The following TMEM117 variants were observed in gnomAD, a reference collection of about 807,000 sequenced individuals.
The protein encoded by TMEM117 is transmembrane protein 117.
TMEM117 carries 27 observed loss-of-function variants against 52.4 expected under a neutral mutation model. The observed-to-expected ratio is 0.51, with a 90% CI of 0.38 to 0.71. The LOEUF (loss-of-function observed/expected upper bound fraction) is 0.71, where lower values mean the gene tolerates loss of function less well. Ranked by LOEUF, TMEM117 falls within the 30% of genes least tolerant of loss-of-function variation. The probability of loss-of-function intolerance (pLI) is 0.00; values close to 1 mark genes in which losing one functional copy is unlikely to be tolerated. For missense variants in TMEM117, 556 were observed against 630.5 expected, an observed-to-expected ratio of 0.88 and a Z score of 1.26; for synonymous variants, 215 against 206.3, an observed-to-expected ratio of 1.04 and a Z score of -0.36.
At chr12:44,242,679 C>CTA (rs1429891342) in intron 5 of TMEM117, among the ~76,000 whole-genome samples, 73 of 133,828 alleles carry the variant, frequency 5.5e-4, no homozygotes, top group African/African-American at 1.8e-3. Context: ...GTATAGATAT[C>CTA]CATACATATT....
chr12:43,945,466 G>A (rs549699788), intron 3 of TMEM117, among the ~76,000 whole-genome samples: 7 of 151,986 alleles, frequency 4.6e-5, no homozygotes, highest in Admixed American at 1.3e-4. Context: ...GATTATAGGC[G>A]CCTGCCACCA....
rs184339175 is a variant in TMEM117 at position 44,376,142 on chromosome 12, A to G, written c.769-453A>G. ...AAAGTCACTTGATACAAATCAAAGA[A>G]CTTGGTTAAGTGAATCAGATCCTCT... is the stretch of plus-strand genomic sequence containing the variant. On this transcript the variant is annotated intron_variant, in intron 6 of 7. Transcript: ENST00000266534. 2.0e-5 allele frequency among the ~76,000 whole-genome samples: 3 copies of G among 152,334 alleles called. No homozygotes were observed. In the East Asian group the frequency reaches 5.8e-4, roughly 29 times the overall value.
At chr12:44,106,956 C>T (rs1947966185) in intron 3 of TMEM117, among the ~76,000 whole-genome samples, 1 of 151,738 alleles carries the variant, frequency 6.6e-6, no homozygotes, top group African/African-American at 2.4e-5. Flanking sequence ...TGCTATTATA[C>T]TACTAACATT....
chr12:44,263,816 T>C (rs899266205), intron 5 of TMEM117: 2 of 152,352 alleles, frequency 1.3e-5, no homozygotes, highest in African/African-American at 4.8e-5. Context: ...CAGACCACTG[T>C]GCATGGAAAA....
Position 44,004,408 on chromosome 12 carries a change from A to T in TMEM117, c.410+60066A>T, listed in dbSNP as rs1247568184. ...CTACATGAATAAATTCTTTGGAATG[A>T]TGGTATGCTAGCATCTATCCGGGAT... On this transcript the variant is annotated intron_variant, in intron 3 of 7. Coordinates refer to ENST00000266534, the MANE Select transcript of TMEM117 (RefSeq NM_032256.3). Among the ~76,000 whole-genome samples the T allele has an allele frequency of 3.3e-5, 5 of 152,178 alleles. No individual in the cohort carries two copies. In the East Asian group the frequency reaches 7.7e-4, roughly 23 times the overall value.
intron 4 of TMEM117, among the ~76,000 whole-genome samples, chr12:44,156,766 T>TA (rs916203198): frequency 1.4e-4 from 21 of 151,986 alleles, no homozygotes; most frequent in Admixed American, 1.3e-3. Context: ...GGCATGAGGG[T>TA]AAGATGGATA....
At chr12:43,943,015 A>G (rs546404545) in intron 2 of TMEM117, among the ~76,000 whole-genome samples, 1 of 151,962 alleles carries the variant, frequency 6.6e-6, no homozygotes. Context: ...CGCCTCTACT[A>G]AAAATACAAA....
chr12:43,820,711 G>A, the TMEM117 span, among the ~76,000 whole-genome samples: 284 of 152,154 alleles, frequency 1.9e-3, 3 homozygotes, highest in African/African-American at 6.5e-3. Flanking sequence ...AAAGACAGCA[G>A]GAAGGGCACT....
rs552491645 is a variant in TMEM117, at chr12:44,054,180, G to A, written c.411-89345G>A. ...GTATCAAAGTCATAAGAGCAATGGCGTATATTGAGAAGGATATTTTCCTAT... is the reference window on the plus strand; with the variant it reads ...GTATCAAAGTCATAAGAGCAATGGCATATATTGAGAAGGATATTTTCCTAT... On this transcript the variant is annotated intron_variant, in intron 3 of 7. Transcript: ENST00000266534. Among the ~76,000 whole-genome samples, 10 of 152,254 alleles carry A rather than the reference G, an allele frequency of 6.6e-5. No homozygotes were observed. In the South Asian group the frequency reaches 1.9e-3, roughly 28 times the overall value.
intron 3 of TMEM117, among the ~76,000 whole-genome samples, chr12:44,026,322 T>C (rs1406463572): frequency 1.3e-5 from 2 of 152,202 alleles, no homozygotes; most frequent in African/African-American, 4.8e-5. Flanking sequence ...TTTTTCTGTC[T>C]TTCCTTGTAA....
chr12:43,822,818 G>T, the TMEM117 span, among the ~76,000 whole-genome samples: 1 of 151,506 alleles, frequency 6.6e-6, no homozygotes, highest in South Asian at 2.1e-4. Flanking sequence ...GATCACTAGA[G>T]CCCAGGAGGC....
At chr12:43,805,065 A>G in the TMEM117 span, among the ~76,000 whole-genome samples, 1 of 152,230 alleles carries the variant, frequency 6.6e-6, no homozygotes, top group Non-Finnish European at 1.5e-5. Context: ...TTCAGTCTTA[A>G]CTCTGGTTAT....
chr12:43,984,677 A>C (rs1222644527), intron 3 of TMEM117, among the ~76,000 whole-genome samples: 1 of 152,208 alleles, frequency 6.6e-6, no homozygotes, highest in African/African-American at 2.4e-5. Flanking sequence ...AGAGACACTT[A>C]AACAATTTGG....
At chr12:44,323,255 T>TA (rs1416504636) in intron 6 of TMEM117, among the ~76,000 whole-genome samples, 11 of 152,194 alleles carry the variant, frequency 7.2e-5, no homozygotes, top group Admixed American at 3.3e-4. Context: ...TTTAAAATAA[T>TA]AAAGTTCTGT....
At chr12:44,282,950 C>T (rs1427549061) in intron 5 of TMEM117, among the ~76,000 whole-genome samples, 2 of 152,218 alleles carry the variant, frequency 1.3e-5, no homozygotes, top group East Asian at 3.9e-4. Flanking sequence ...CCAGCCACTC[C>T]AGCCATGGCT....
chr12:43,843,100 A>G (rs181237104), intron 1 of TMEM117, among the ~76,000 whole-genome samples: 1 of 152,314 alleles, frequency 6.6e-6, no homozygotes, highest in Non-Finnish European at 1.5e-5. Context: ...AAATGATACA[A>G]TGATACACGC....
At chr12:44,258,206 A>G (rs1592645963) in intron 5 of TMEM117, among the ~76,000 whole-genome samples, 3 of 152,242 alleles carry the variant, frequency 2.0e-5, no homozygotes, top group South Asian at 2.1e-4. Context: ...GCTAGATAGT[A>G]CAAACCCCTC....
chr12:44,012,565 TA>T (rs1280271901), intron 3 of TMEM117, among the ~76,000 whole-genome samples: 9 of 152,122 alleles, frequency 5.9e-5, no homozygotes, highest in East Asian at 3.8e-4. Context: ...AAAGTTCCGA[TA>T]TTTTTTTCCT....
chr12:44,090,039 A>G (rs1051427438), intron 3 of TMEM117, among the ~76,000 whole-genome samples: 3 of 152,216 alleles, frequency 2.0e-5, no homozygotes, highest in Admixed American at 1.3e-4. Flanking sequence ...TTTATCCCAT[A>G]CTTGATCAAC....
Sources: allele counts gnomAD v4.1 joint callset (sites outside exome capture counted in the v4.1 genomes callset), GRCh38; gene constraint gnomAD v4.1.1; transcripts MANE v1.5; gene names NCBI Gene and HGNC (gene_info 2026-07-23, HGNC 2026-07-21).